The following MYO3B variants were observed in gnomAD, a reference collection of about 807,000 sequenced individuals.
The protein encoded by MYO3B is myosin-IIIb.
MYO3B carries 156 observed loss-of-function variants against 174.6 expected under a neutral mutation model. The ratio of observed to expected loss-of-function variants is 0.89; its 90% CI spans 0.78 to 1.02. MYO3B has a LOEUF of 1.02. Among genes scored for constraint, MYO3B ranks in the 50% least tolerant of loss-of-function variants. The pLI is 0.00. For synonymous variants in MYO3B, 563 were observed against 569.1 expected (o/e 0.99, Z 0.15); for missense variants, 1,632 against 1,639.4 (o/e 1.00, Z 0.08).
At chr2:170,265,738 A>C (rs1442917004) in intron 7 of MYO3B, among the ~76,000 whole-genome samples, 1 of 152,222 alleles carries the variant, frequency 6.6e-6, no homozygotes, top group East Asian at 1.9e-4. Context: ...TTTACCTTCC[A>C]GTCCTGTACT....
intron 22 of MYO3B, among the ~76,000 whole-genome samples, chr2:170,421,318 C>A (rs1040533386): frequency 6.6e-6 from 1 of 152,194 alleles, no homozygotes; most frequent in Non-Finnish European, 1.5e-5. Flanking sequence ...AGGACTCTTG[C>A]ACCAGAGGAG....
intron 29 of MYO3B, among the ~76,000 whole-genome samples, chr2:170,518,001 G>C (rs986793159): frequency 2.0e-5 from 3 of 151,878 alleles, no homozygotes; most frequent in African/African-American, 7.3e-5. Context: ...GTGTGTGTGT[G>C]TGTGTGTGTG....
chr2:170,613,739 A>G (rs1362069941), intron 32 of MYO3B, among the ~76,000 whole-genome samples: 1 of 152,152 alleles, frequency 6.6e-6, no homozygotes, highest in African/African-American at 2.4e-5. Flanking sequence ...GTGTGGCTAG[A>G]ATATAAAGCA....
intron 7 of MYO3B, among the ~76,000 whole-genome samples, chr2:170,311,753 G>A (rs774813209): frequency 2.8e-4 from 43 of 151,952 alleles, no homozygotes; most frequent in Non-Finnish European, 5.0e-4. Flanking sequence ...TTATATTTAG[G>A]TTGTTGATCC....
At chr2:170,433,689 A>G (rs958742562) in intron 22 of MYO3B, among the ~76,000 whole-genome samples, 2 of 152,206 alleles carry the variant, frequency 1.3e-5, no homozygotes. Context: ...GGGCCTTCCC[A>G]GCCCTATCTT....
intron 22 of MYO3B, among the ~76,000 whole-genome samples, chr2:170,435,090 G>C (rs1352196889): frequency 6.6e-6 from 1 of 152,214 alleles, no homozygotes; most frequent in Middle Eastern, 3.2e-3. Flanking sequence ...ACTAGCGTAG[G>C]TCTGTCTCAA....
At position 170,466,577 on chromosome 2, in the gene MYO3B, T is replaced by C; in HGVS notation, c.2880T>C (p.Asn960=). ...ACTTTGTGCGCTGCATTAAACCCAA[T>C]GATGACCGAGAGGCCCTGCAGTTCT... ...QPHFVRCIKP[N]DDREALQFSR... is the part of the protein sequence containing the mutation. The change falls in exon 25 of 35, where the codon AAT becomes AAC. Residue 960 remains asparagine (N), a synonymous_variant. Transcript: ENST00000408978. The C allele has an allele frequency of 6.2e-7, 1 of 1,614,182 alleles. No individual in the cohort carries two copies. Among genetic ancestry groups the C allele is most frequent in the East Asian group, 2.2e-5 (1 of 44,884 alleles).
chr2:170,513,384 G>GC (rs1306955899), intron 28 of MYO3B, among the ~76,000 whole-genome samples: 2 of 152,112 alleles, frequency 1.3e-5, no homozygotes, highest in Non-Finnish European at 2.9e-5. Context: ...TTGGTTCCTG[G>GC]CAATCCTTGG....
At position 170,535,291 on chromosome 2, in the gene MYO3B, A is replaced by C. The variant is rs140163836; in HGVS notation, c.3576-7615A>C. ...TAGAAGACCTTATATTGCATGTGTCATACACATTGTTCTTATACAGAATCT... is the reference window on the plus strand; with the variant it reads ...TAGAAGACCTTATATTGCATGTGTCCTACACATTGTTCTTATACAGAATCT... On this transcript the variant is annotated intron_variant, in intron 30 of 34. Coordinates refer to ENST00000408978, the MANE Select transcript of MYO3B (RefSeq NM_138995.5). 9.5e-4 allele frequency among the ~76,000 whole-genome samples: 144 copies of C among 152,346 alleles called. No homozygotes were observed. The East Asian group carries it at 0.019, about 20-fold the overall frequency.
At chr2:170,594,345 G>C (rs1291594008) in intron 32 of MYO3B, among the ~76,000 whole-genome samples, 3 of 152,168 alleles carry the variant, frequency 2.0e-5, no homozygotes, top group African/African-American at 4.8e-5. Flanking sequence ...AGGGAGAAGA[G>C]AGCGGAGATG....
chr2:170,353,029 G>A (rs1190164249), intron 8 of MYO3B, among the ~76,000 whole-genome samples: 7 of 152,302 alleles, frequency 4.6e-5, no homozygotes, highest in African/African-American at 4.8e-5. Flanking sequence ...TATGCTTACC[G>A]TAGGGTCTAG....
At chr2:170,613,754 G>T (rs751319579) in intron 32 of MYO3B, among the ~76,000 whole-genome samples, 19 of 152,134 alleles carry the variant, frequency 1.2e-4, no homozygotes, top group Non-Finnish European at 1.9e-4. Context: ...AAAGCAGGCA[G>T]AAAAATGTGA....
chr2:170,396,918 C>T (rs957619163), intron 16 of MYO3B, among the ~76,000 whole-genome samples: 7 of 152,104 alleles, frequency 4.6e-5, no homozygotes, highest in African/African-American at 9.7e-5. Context: ...CAGATAACCT[C>T]GATATAGAAA....
chr2:170,519,119 C>G (rs1390080308), intron 29 of MYO3B, among the ~76,000 whole-genome samples: 3 of 152,154 alleles, frequency 2.0e-5, no homozygotes, highest in African/African-American at 7.2e-5. Context: ...GTTGTTCCAG[C>G]TGTTGTATAC....
chr2:170,470,952 A>G (rs1172132019), intron 25 of MYO3B, among the ~76,000 whole-genome samples: 3 of 149,680 alleles, frequency 2.0e-5, no homozygotes, highest in African/African-American at 7.4e-5. Flanking sequence ...GTCCCTTATC[A>G]CATAGATAAT....
At chr2:170,257,759 A>G (rs1193623386) in intron 7 of MYO3B, among the ~76,000 whole-genome samples, 1 of 152,076 alleles carries the variant, frequency 6.6e-6, no homozygotes, top group Non-Finnish European at 1.5e-5. Flanking sequence ...GAGGCTCCAA[A>G]ATACAAAGGA....
chr2:170,532,901 T>C (rs914027036), intron 30 of MYO3B, among the ~76,000 whole-genome samples: 6 of 151,704 alleles, frequency 4.0e-5, no homozygotes, highest in African/African-American at 1.2e-4. Flanking sequence ...TGTATGTGTA[T>C]ATATCAATAC....
intron 7 of MYO3B, among the ~76,000 whole-genome samples, chr2:170,238,384 G>A (rs78367654): frequency 0.042 from 6,359 of 151,792 alleles, 147 homozygotes; most frequent in African/African-American, 0.048. Context: ...CTCTCTCTCC[G>A]CCCCCTCAGT....
chr2:170,178,391 G>A (rs1163918476), intron 1 of MYO3B, 102 bp downstream of exon 1: 6 of 1,443,814 alleles, frequency 4.2e-6, no homozygotes, highest in Non-Finnish European at 5.9e-6. Context: ...GGCAGTGGAG[G>A]GGGATGACAG....
Sources: allele counts gnomAD v4.1 joint callset (sites outside exome capture counted in the v4.1 genomes callset), GRCh38; gene constraint gnomAD v4.1.1; transcripts MANE v1.5; gene names NCBI Gene and HGNC (gene_info 2026-07-23, HGNC 2026-07-21).